The following PUDP variants were observed in gnomAD, a reference collection of about 807,000 sequenced individuals.
The protein encoded by PUDP is pseudouridine 5'-phosphatase.
In PUDP, 8 loss-of-function variants were observed where a neutral mutation model predicts 9.4. The observed-to-expected ratio is 0.85, with a 90% CI of 0.50 to 1.53. PUDP has a LOEUF of 1.53. PUDP is among the 40% of genes most tolerant of loss of function. The pLI is 0.00. For synonymous variants in PUDP, 99 were observed against 80.7 expected (o/e 1.23, Z -1.22); for missense variants, 188 against 189.7 (o/e 0.99, Z 0.05).
intron 2 of PUDP, among the ~76,000 whole-genome samples, chrX:7,104,711 A>C (rs1383183209): frequency 8.9e-6 from 1 of 111,849 alleles, no homozygotes; most frequent in Admixed American, 9.5e-5. Context: ...AGATTCACAA[A>C]CACTACCATT....
At chrX:7,127,560 A>T (rs781666608) in intron 1 of PUDP, among the ~76,000 whole-genome samples, 27 of 112,480 alleles carry the variant, frequency 2.4e-4, no homozygotes, top group Non-Finnish European at 4.3e-4. Flanking sequence ...CTGCATGGGA[A>T]TGTAAAGTAC....
intron 3 of PUDP, among the ~76,000 whole-genome samples, chrX:6,933,006 C>T (rs1290926615): frequency 9.1e-6 from 1 of 110,427 alleles, no homozygotes; most frequent in African/African-American, 3.3e-5. Context: ...CTCAAGGAGG[C>T]CTGCCTGCCT....
At chrX:7,057,924 C>G (rs1465786765) in intron 3 of PUDP, 4 of 539,371 alleles carry the variant, frequency 7.4e-6, no homozygotes, top group Non-Finnish European at 3.0e-6. Flanking sequence ...GCTTGTGATG[C>G]TCTCGTGTTC....
chrX:7,109,259 C>T (rs1034106987), intron 1 of PUDP, among the ~76,000 whole-genome samples: 5 of 111,975 alleles, frequency 4.5e-5, no homozygotes, highest in African/African-American at 1.6e-4. Flanking sequence ...AGGAGATGGA[C>T]GGATTGGCAG....
intron 3 of PUDP, among the ~76,000 whole-genome samples, chrX:6,913,907 C>G (rs899064499): frequency 9.0e-6 from 1 of 110,785 alleles, no homozygotes; most frequent in Non-Finnish European, 1.9e-5. Flanking sequence ...CTGTGCCCCC[C>G]CAACTGCCAC....
chrX:6,927,494 C>T (rs182106098), intron 3 of PUDP, among the ~76,000 whole-genome samples: 1 of 112,111 alleles, frequency 8.9e-6, no homozygotes, highest in East Asian at 2.8e-4. Flanking sequence ...GATGCCTATG[C>T]AGACATCAAC....
chrX:6,863,786 T>C (rs1046077385), intron 3 of PUDP, among the ~76,000 whole-genome samples: 1 of 111,888 alleles, frequency 8.9e-6, no homozygotes, highest in African/African-American at 3.2e-5. Flanking sequence ...CTCTGTCCAA[T>C]CAGTTACACT....
intron 3 of PUDP, among the ~76,000 whole-genome samples, chrX:7,067,602 T>A (rs1374160799): frequency 9.0e-6 from 1 of 111,595 alleles, no homozygotes; most frequent in South Asian, 3.8e-4. Context: ...AGCCTCCCCA[T>A]TGACATCACT....
intron 3 of PUDP, among the ~76,000 whole-genome samples, chrX:6,821,507 C>G (rs911436655): frequency 4.5e-5 from 5 of 111,303 alleles, no homozygotes; most frequent in Non-Finnish European, 7.5e-5. Context: ...CCACGTTCAC[C>G]TTCCCCTCAT....
At chrX:6,940,637 T>A (rs749554803) in intron 3 of PUDP, among the ~76,000 whole-genome samples, 3 of 111,728 alleles carry the variant, frequency 2.7e-5, no homozygotes, top group Non-Finnish European at 3.8e-5. Context: ...CACCCACTGA[T>A]TAAGAACTAT....
At chrX:6,839,893 G>GC (rs61575942) in intron 3 of PUDP, among the ~76,000 whole-genome samples, 37 of 108,413 alleles carry the variant, frequency 3.4e-4, no homozygotes, top group Middle Eastern at 4.7e-3. Context: ...AAAAATGTAT[G>GC]CCCCCCCCTC....
intron 3 of PUDP, among the ~76,000 whole-genome samples, chrX:7,070,529 A>G (rs1444773424): frequency 2.7e-5 from 3 of 111,035 alleles, no homozygotes; most frequent in African/African-American, 9.9e-5. Context: ...AAGAACATCT[A>G]ATCTCCCCAA....
intron 3 of PUDP, among the ~76,000 whole-genome samples, chrX:6,789,754 T>C (rs1434591061): frequency 7.8e-5 from 8 of 102,305 alleles, no homozygotes; most frequent in African/African-American, 2.9e-4. Context: ...GATACCTAGG[T>C]AGGCAGATAG....
chrX:7,042,914 A>T (rs1198080800), intron 1 of PUDP, among the ~76,000 whole-genome samples: 1 of 111,415 alleles, frequency 9.0e-6, no homozygotes, highest in Non-Finnish European at 1.9e-5. Context: ...GTGGTTTCAT[A>T]TGTCTCCCCA....
chrX:6,874,759 T>C (rs892597341), intron 3 of PUDP, among the ~76,000 whole-genome samples: 2 of 112,425 alleles, frequency 1.8e-5, no homozygotes, highest in Non-Finnish European at 3.8e-5. Flanking sequence ...ATTAAATAAA[T>C]ATACTGTTAC....
chrX:6,778,436 A>G (rs1925503213), intron 3 of PUDP, among the ~76,000 whole-genome samples: 1 of 112,685 alleles, frequency 8.9e-6, no homozygotes, highest in African/African-American at 3.2e-5. Flanking sequence ...AGCCACCCTG[A>G]GCATTGCTGC....
chrX:6,807,084 A>T (rs1197658703), intron 3 of PUDP, among the ~76,000 whole-genome samples: 1 of 112,146 alleles, frequency 8.9e-6, no homozygotes, highest in Non-Finnish European at 1.9e-5. Flanking sequence ...CTCCTTCATC[A>T]ATCTAGAGAA....
chrX:7,021,021 C>T (rs913382141), intron 1 of PUDP, among the ~76,000 whole-genome samples: 3 of 112,516 alleles, frequency 2.7e-5, no homozygotes, highest in African/African-American at 9.7e-5. Flanking sequence ...CTGCTGGAAT[C>T]GCCAGGGCAG....
intron 3 of PUDP, among the ~76,000 whole-genome samples, chrX:6,957,046 T>G (rs778739315): frequency 4.5e-5 from 5 of 112,143 alleles, no homozygotes; most frequent in Non-Finnish European, 9.4e-5. Context: ...GATGAAAAAT[T>G]TAAAGAAAAC....
Sources: gnomAD v4.1 joint callset for allele counts (sites outside exome capture counted in the v4.1 genomes callset) on GRCh38, gnomAD v4.1.1 for gene constraint, MANE v1.5 for transcripts, NCBI Gene and HGNC (gene_info 2026-07-23, HGNC 2026-07-21) for gene names.